CTNNA2: variants seen among roughly 807,000 people sequenced by gnomAD.
The protein encoded by CTNNA2 is catenin alpha 2.
A neutral mutation model predicts 101.0 loss-of-function variants in CTNNA2; 42 were observed. The ratio of observed to expected loss-of-function variants is 0.42; its 90% CI spans 0.32 to 0.54. The LOEUF is 0.54. Ranked by LOEUF, CTNNA2 falls within the 20% of genes least tolerant of loss-of-function variation. CTNNA2 has a pLI of 0.14. For synonymous variants in CTNNA2, 450 were observed against 456.4 expected, an observed-to-expected ratio of 0.99 and a Z score of 0.18; for missense variants, 871 against 1,223.1, an observed-to-expected ratio of 0.71 and a Z score of 4.29.
chr2:79,476,784 G>A lies in CTNNA2; in HGVS notation c.-134-28270G>A, dbSNP rs765180917. On this transcript the variant is annotated intron_variant, in intron 4 of 21. Transcript: ENST00000466387. ...CTGTGACAATTTTTGCTAGCCACTC[G>A]GTCTCTCGGCTACCTTTGCCATCCC... Among the ~76,000 whole-genome samples the A allele has an allele frequency of 5.9e-5, 9 of 152,208 alleles. No homozygotes were observed. In the East Asian group the frequency reaches 7.7e-4, roughly 13 times the overall value.
intron 9 of CTNNA2, among the ~76,000 whole-genome samples, chr2:80,515,730 A>C (rs1277572561): frequency 1.3e-5 from 2 of 152,208 alleles, no homozygotes; most frequent in Non-Finnish European, 2.9e-5. Context: ...GAAACTGAAG[A>C]CCTAATTTAC....
chr2:79,889,666 T>C (rs1325635546), intron 6 of CTNNA2, among the ~76,000 whole-genome samples: 2 of 152,200 alleles, frequency 1.3e-5, no homozygotes, highest in Non-Finnish European at 2.9e-5. Context: ...GTCTAATCTA[T>C]AGTAGGCACT....
At chr2:79,761,534 A>C (rs925975614) in intron 3 of CTNNA2, among the ~76,000 whole-genome samples, 2 of 152,202 alleles carry the variant, frequency 1.3e-5, no homozygotes, top group African/African-American at 4.8e-5. Flanking sequence ...AAAAGTATTT[A>C]ATAACATTGG....
intron 7 of CTNNA2, among the ~76,000 whole-genome samples, chr2:80,380,088 G>A (rs1459948663): frequency 1.4e-5 from 2 of 143,218 alleles, no homozygotes; most frequent in South Asian, 4.4e-4. Context: ...CCAGGCTGGA[G>A]TGCAGTGGCA....
chr2:79,943,122 C>A (rs1688272954), intron 7 of CTNNA2, among the ~76,000 whole-genome samples: 1 of 152,094 alleles, frequency 6.6e-6, no homozygotes, highest in African/African-American at 2.4e-5. Context: ...TAGGCTGAAG[C>A]CAGAGAATCG....
chr2:80,346,021 A>G (rs1385650003), intron 7 of CTNNA2, among the ~76,000 whole-genome samples: 1 of 152,244 alleles, frequency 6.6e-6, no homozygotes, highest in African/African-American at 2.4e-5. Context: ...ATTTATAAGA[A>G]AGATAAAACT....
intron 2 of CTNNA2, among the ~76,000 whole-genome samples, chr2:79,308,711 C>T (rs1399980925): frequency 2.0e-5 from 3 of 150,592 alleles, no homozygotes; most frequent in Non-Finnish European, 2.9e-5. Flanking sequence ...TGGTTTCATT[C>T]TCCTGCATAT....
intron 3 of CTNNA2, among the ~76,000 whole-genome samples, chr2:79,855,092 T>A (rs10496233): frequency 1.3e-5 from 2 of 152,076 alleles, no homozygotes; most frequent in Non-Finnish European, 2.9e-5. Context: ...TTTAATTTGC[T>A]TTGAATGAAA....
intron 8 of CTNNA2, among the ~76,000 whole-genome samples, chr2:80,394,687 C>T (rs916396473): frequency 6.6e-5 from 10 of 152,114 alleles, no homozygotes; most frequent in Admixed American, 4.6e-4. Context: ...TTAGCTCTGC[C>T]GCTAAACTGG....
chr2:79,883,258 A>G (rs537215466), intron 6 of CTNNA2, among the ~76,000 whole-genome samples: 5 of 152,364 alleles, frequency 3.3e-5, no homozygotes, highest in African/African-American at 9.6e-5. Flanking sequence ...GATGAGAACA[A>G]GATAAAAATA....
At chr2:79,508,739 T>C (rs552562695), upstream of CTNNA2, among the ~76,000 whole-genome samples, 12 of 151,912 alleles carry the variant, frequency 7.9e-5, no homozygotes, top group East Asian at 1.9e-4. Context: ...GTCATGAAGA[T>C]AGATAAAAAT....
At position 80,217,024 on chromosome 2, in the gene CTNNA2, A is replaced by T. The variant is rs188387650; in HGVS notation, c.1057-176187A>T. On this transcript the variant is annotated intron_variant, in intron 7 of 18. Coordinates refer to ENST00000402739, the MANE Select transcript of CTNNA2 (RefSeq NM_001282597.3). ...AGCTAATTTTTGTACTAGAGACGGA[A>T]TTTCACCATGTTGGCCAGGCTGGTC... Among the ~76,000 whole-genome samples, 1,428 of 151,858 alleles carry T rather than the reference A, an allele frequency of 9.4e-3. 23 individuals carry two copies. Among genetic ancestry groups the T allele is most frequent in the African/African-American group, 0.033 (1,355 of 41,432 alleles).
chr2:79,856,925 G>C (rs1389440452), intron 3 of CTNNA2, among the ~76,000 whole-genome samples: 1 of 152,102 alleles, frequency 6.6e-6, no homozygotes, highest in East Asian at 1.9e-4. Context: ...TTCCCCTCCA[G>C]TTTATTTTAT....
In CTNNA2 at chr2:79,529,285, C is replaced by G. The variant is rs930187913; in HGVS notation, c.-6+16078C>G. Among the ~76,000 whole-genome samples the G allele has an allele frequency of 2.6e-5, 4 of 152,156 alleles. No individual in the cohort carries two copies. The South Asian group carries it at 8.3e-4, about 32-fold the overall frequency. Reference sequence around the variant, plus strand: ...TTAGGAACCATCTGAATGTGAGATTCAGGACAAAGGCAAAGACAAGGCTAA... The same window carrying G: ...TTAGGAACCATCTGAATGTGAGATTGAGGACAAAGGCAAAGACAAGGCTAA... On this transcript the variant is annotated intron_variant, in intron 1 of 18. Transcript: ENST00000402739.
At chr2:80,295,016 CCTCT>C (rs1675615925) in intron 7 of CTNNA2, among the ~76,000 whole-genome samples, 1 of 152,032 alleles carries the variant, frequency 6.6e-6, no homozygotes, top group South Asian at 2.1e-4. Flanking sequence ...CTCTCCTCTT[CCTCT>C]CTTTTTCTTT....
chr2:80,290,267 A>G (rs917542341), intron 7 of CTNNA2, among the ~76,000 whole-genome samples: 2 of 152,084 alleles, frequency 1.3e-5, no homozygotes, highest in Non-Finnish European at 1.5e-5. Context: ...AATAAAGACA[A>G]CTCTGGGATG....
intron 4 of CTNNA2, among the ~76,000 whole-genome samples, chr2:79,402,301 T>A (rs888571346): frequency 3.3e-5 from 5 of 151,754 alleles, no homozygotes; most frequent in African/African-American, 9.7e-5. Context: ...ATAAATGAAC[T>A]ATTAATATAA....
chr2:79,748,778 G>C (rs1558894957), intron 3 of CTNNA2, among the ~76,000 whole-genome samples: 2 of 152,006 alleles, frequency 1.3e-5, no homozygotes, highest in Non-Finnish European at 1.5e-5. Flanking sequence ...CTGCATGCCA[G>C]ATCTCTAAAA....
upstream of CTNNA2, chr2:79,512,929 C>G (rs1190312587): frequency 6.6e-6 from 1 of 151,730 alleles, no homozygotes; most frequent in East Asian, 2.0e-4. Context: ...CACTGGCTGC[C>G]TCCCCTAGCG....
Sources: allele counts gnomAD v4.1 joint callset (sites outside exome capture counted in the v4.1 genomes callset), GRCh38; gene constraint gnomAD v4.1.1; transcripts MANE v1.5; gene names NCBI Gene and HGNC (gene_info 2026-07-23, HGNC 2026-07-21).